The following MPZL3 variants were observed in gnomAD, a reference collection of about 807,000 sequenced individuals.
The protein encoded by MPZL3 is myelin protein zero like 3, also known as myelin protein zero-like protein 3.
A neutral mutation model predicts 24.8 loss-of-function variants in MPZL3; 23 were observed. The observed-to-expected ratio is 0.93, with a 90% confidence interval of 0.67 to 1.31. The LOEUF is 1.31. Ranked by LOEUF, MPZL3 falls within the 40% of genes most tolerant of loss-of-function variation. MPZL3 has a pLI of 0.00. For synonymous variants in MPZL3, 99 were observed against 106.5 expected (o/e 0.93, Z 0.44); for missense variants, 277 against 294.9 (o/e 0.94, Z 0.44).
intron 2 of MPZL3, among the ~76,000 whole-genome samples, 176 bp from the exon 3 acceptor site, chr11:118,237,436 G>C (rs1038839965): frequency 6.6e-6 from 1 of 151,828 alleles, no homozygotes; most frequent in African/African-American, 2.4e-5. Context: ...ATCAGAAAAA[G>C]GCCCGATGAG....
At chr11:118,235,076 A>G (rs1949405240) in intron 4 of MPZL3, among the ~76,000 whole-genome samples, 1 of 152,184 alleles carries the variant, frequency 6.6e-6, no homozygotes, top group African/African-American at 2.4e-5. Context: ...AGGAGACATC[A>G]TCAGCTCAGT....
Position 118,252,277 on chromosome 11 carries a change from T to A in MPZL3, c.18A>T (p.Ala6=). 1 of 1,614,040 alleles carries A rather than the reference T, an allele frequency of 6.2e-7. No homozygotes were observed. Among genetic ancestry groups the A allele is most frequent in the Non-Finnish European group, 8.5e-7 (1 of 1,179,964 alleles). The stretch of plus-strand genomic sequence containing the variant: ...AGAGAGCGCAGCCACGGCTTCCAGC[T>A]GCTCCTCTCTGCTGCATCCCGGCAG... MQQRG[A]AGSRGCALFP... The change falls in exon 1 of 6, where the codon GCA becomes GCT. Residue 6 remains alanine, a synonymous_variant. Transcript: ENST00000278949.
rs1949297146 is a variant in MPZL3 at position 118,228,230 on chromosome 11, A to C, written c.*1664T>G. 7.9e-6 allele frequency: 1 copy of C among 126,486 alleles called. No homozygotes were observed. The highest frequency in any genetic ancestry group is 5.2e-5 in the African/African-American group (1 of 19,280). The allele number at this position is 126,486 out of a possible 1,614,324, so 7.8% of individuals were successfully genotyped here. ...CCCAAATTTTTTAAATTAAGTCTTC[A>C]AAAAAAAAAGAAAGAAGTTGAGAGA... On this transcript the variant is annotated 3_prime_UTR_variant, in exon 6 of 6. Coordinates refer to ENST00000278949, the MANE Select transcript of MPZL3 (RefSeq NM_198275.3).
At chr11:118,237,888 G>A (rs1333241488) in intron 2 of MPZL3, among the ~76,000 whole-genome samples, 1 of 152,146 alleles carries the variant, frequency 6.6e-6, no homozygotes, top group African/African-American at 2.4e-5. Context: ...TGTAATCCCA[G>A]CACTTTGGGA....
intron 4 of MPZL3, among the ~76,000 whole-genome samples, chr11:118,233,809 C>G (rs1223656366): frequency 2.6e-5 from 4 of 152,130 alleles, no homozygotes; most frequent in Non-Finnish European, 1.5e-5. Flanking sequence ...GCCTGGCCAA[C>G]ATGACAAAAC....
chr11:118,230,534 CAT>C (rs1338379627), intron 5 of MPZL3, among the ~76,000 whole-genome samples: 1 of 152,090 alleles, frequency 6.6e-6, no homozygotes, highest in African/African-American at 2.4e-5. Context: ...TATTCATACT[CAT>C]ATTCATTACT....
At chr11:118,251,981 A>G (rs1182511958) in intron 1 of MPZL3, among the ~76,000 whole-genome samples, 1 of 152,180 alleles carries the variant, frequency 6.6e-6, no homozygotes. Flanking sequence ...TGCTATCACC[A>G]AACTACAATG....
chr11:118,234,862 A>G (rs1160034958), intron 4 of MPZL3, among the ~76,000 whole-genome samples: 3 of 152,040 alleles, frequency 2.0e-5, no homozygotes, highest in Non-Finnish European at 4.4e-5. Context: ...ATTTCCTTTT[A>G]CTACATTTAT....
intron 5 of MPZL3, among the ~76,000 whole-genome samples, chr11:118,233,159 T>C (rs1364160094): frequency 6.6e-6 from 1 of 152,154 alleles, no homozygotes; most frequent in Non-Finnish European, 1.5e-5. Context: ...CTAGTATGAA[T>C]TCAGTGGCAT....
At chr11:118,236,781 A>G (rs1026475887) in intron 3 of MPZL3, among the ~76,000 whole-genome samples, 2 of 152,218 alleles carry the variant, frequency 1.3e-5, no homozygotes, top group Non-Finnish European at 2.9e-5. Context: ...TGCATTCCAC[A>G]AGAACTTTGG....
At chr11:118,233,250 C>G (rs1004879524) in intron 5 of MPZL3, among the ~76,000 whole-genome samples, 2 of 152,146 alleles carry the variant, frequency 1.3e-5, no homozygotes, top group African/African-American at 2.4e-5. Context: ...AAGACCACTG[C>G]TCTACGACCA....
chr11:118,235,571 G>T lies in MPZL3; in HGVS notation c.470C>A (p.Ser157Tyr). The T allele has an allele frequency of 6.2e-7, 1 of 1,613,866 alleles. No homozygotes were observed. Among genetic ancestry groups the T allele is most frequent in the Non-Finnish European group, 8.5e-7 (1 of 1,179,884 alleles). The change falls in exon 4 of 6, where the codon TCC (serine) becomes TAC (tyrosine). Residue 157 changes from serine (S) to tyrosine (Y), a missense_variant. Coordinates refer to ENST00000278949, the MANE Select transcript of MPZL3 (RefSeq NM_198275.3). Reference protein sequence around the residue: ...VTERGFGTMLSSVALLSILVF... With the variant: ...VTERGFGTMLYSVALLSILVF... ...AAGGATGGAAAGAAGGGCCACAGAG[G>T]AAAGCATGGTGCCAAAACCTAGAGG...
chr11:118,249,931 A>G (rs1243092384), intron 1 of MPZL3, among the ~76,000 whole-genome samples: 1 of 152,162 alleles, frequency 6.6e-6, no homozygotes, highest in Non-Finnish European at 1.5e-5. Flanking sequence ...AACCTTGAAA[A>G]CATGCAAAGT....
chr11:118,238,297 C>G (rs553882462), intron 2 of MPZL3, among the ~76,000 whole-genome samples: 1 of 152,282 alleles, frequency 6.6e-6, no homozygotes, highest in Non-Finnish European at 1.5e-5. Flanking sequence ...CTCAAGTTAT[C>G]TATCTTGACA....
rs771744189 is a variant in MPZL3 at position 118,229,953 on chromosome 11, A to G, written c.682-33T>C. ...GAGCAAAACAGCAGGTGTGAAACACAATTCCAGAGTTGGAATTTAGGCAAA... is the reference window on the plus strand; with the variant it reads ...GAGCAAAACAGCAGGTGTGAAACACGATTCCAGAGTTGGAATTTAGGCAAA... On this transcript the variant is annotated intron_variant, in intron 5 of 5. Transcript: ENST00000278949. 2.5e-6 allele frequency: 4 copies of G among 1,606,142 alleles called. No individual in the cohort carries two copies. The Admixed American group carries it at 6.8e-5, about 27-fold the overall frequency.
chr11:118,231,377 T>C (rs937139657), intron 5 of MPZL3, among the ~76,000 whole-genome samples: 6 of 152,164 alleles, frequency 3.9e-5, no homozygotes, highest in African/African-American at 1.4e-4. Context: ...ATAATTCCTC[T>C]TCATCTCCCC....
rs1408225348 is a variant in MPZL3 at position 118,252,213 on chromosome 11, A to C, written c.73+9T>G. ...CCGGAAGTGGAGCGTAGCCAGCCGGAGCACTCACCCTGGAAGAACAGGACG... is the reference window on the plus strand; with the variant it reads ...CCGGAAGTGGAGCGTAGCCAGCCGGCGCACTCACCCTGGAAGAACAGGACG... On this transcript the variant is annotated intron_variant, in intron 1 of 5. Coordinates refer to ENST00000278949, the MANE Select transcript of MPZL3 (RefSeq NM_198275.3). The C allele has an allele frequency of 1.2e-6, 2 of 1,613,226 alleles. No individual in the cohort carries two copies. The highest frequency in any genetic ancestry group is 1.7e-5 in the Admixed American group (1 of 59,996).
At chr11:118,238,088 G>C (rs913105607) in intron 2 of MPZL3, among the ~76,000 whole-genome samples, 3 of 151,762 alleles carry the variant, frequency 2.0e-5, no homozygotes, top group African/African-American at 7.3e-5. Flanking sequence ...AGTGAGCCGA[G>C]ATTGTGCCAC....
intron 1 of MPZL3, among the ~76,000 whole-genome samples, chr11:118,243,281 C>T (rs1169364134): frequency 6.6e-6 from 1 of 152,196 alleles, no homozygotes; most frequent in Non-Finnish European, 1.5e-5. Context: ...CCAAACCCCT[C>T]ATTCTCAGAA....
Sources: gnomAD v4.1 joint callset for allele counts (sites outside exome capture counted in the v4.1 genomes callset) on GRCh38, gnomAD v4.1.1 for gene constraint, MANE v1.5 for transcripts, NCBI Gene and HGNC (gene_info 2026-07-23, HGNC 2026-07-21) for gene names.